Variants in ADCY1 observed in about 807,000 individuals in gnomAD.
ADCY1 encodes adenylate cyclase type 1.
A neutral mutation model predicts 105.4 loss-of-function variants in ADCY1; 28 were observed. The observed-to-expected ratio is 0.27, with a 90% confidence interval of 0.20 to 0.36. The LOEUF (loss-of-function observed/expected upper bound fraction) is 0.36, where lower values mean the gene tolerates loss of function less well. Ranked by LOEUF, ADCY1 falls within the 10% of genes least tolerant of loss-of-function variation. ADCY1 has a pLI of 1.00. For missense variants in ADCY1, 977 were observed against 1,434.2 expected (o/e 0.68, Z 5.15); for synonymous variants, 655 against 623.8 (o/e 1.05, Z -0.75).
chr7:45,703,296 T>C lies in ADCY1; in HGVS notation c.2455-80T>C. 7.4e-7 allele frequency: 1 copy of C among 1,355,366 alleles called. No individual in the cohort carries two copies. The highest frequency in any genetic ancestry group is 1.1e-6 in the Non-Finnish European group (1 of 948,184). 84.0% of individuals were successfully genotyped at this position (1,355,366 alleles called of 1,614,324 possible). A position where few individuals can be genotyped will look rare whatever the true frequency, so the allele number is the denominator to read the frequency against. The stretch of plus-strand genomic sequence containing the variant: ...CAGCACACCTGGAGTCCAGTTTGGA[T>C]GATTAGAAGGAAGTGTGCGGTGGGA... On this transcript the variant is annotated intron_variant, in intron 14 of 19. Coordinates refer to ENST00000297323, the MANE Select transcript of ADCY1 (RefSeq NM_021116.4). This position sits in a 1 kb window ranked among gnomAD's most constrained non-coding sequence, Gnocchi z 5.9.
chr7:45,661,522 A>G (rs894980505), intron 7 of ADCY1, among the ~76,000 whole-genome samples: 15 of 152,024 alleles, frequency 9.9e-5, no homozygotes, highest in Non-Finnish European at 1.9e-4. Flanking sequence ...CTATCACCTC[A>G]TTTGACCTTG....
At chr7:45,635,855 G>C (rs953573438) in intron 4 of ADCY1, among the ~76,000 whole-genome samples, 5 of 151,944 alleles carry the variant, frequency 3.3e-5, no homozygotes, top group Non-Finnish European at 7.4e-5. Flanking sequence ...TCAATTGGTT[G>C]ATAGAATTGT....
In ADCY1 at chr7:45,715,857, A is replaced by C. The variant is rs1401079215; in HGVS notation, c.*1862A>C. On this transcript the variant is annotated 3_prime_UTR_variant, in exon 20 of 20. Transcript: ENST00000297323. ...CTGTCTGCCTGTCCTTAGGGTGTGGATTAGGCTCTGGCTTCTGTGATGGTG... is the reference window on the plus strand; with the variant it reads ...CTGTCTGCCTGTCCTTAGGGTGTGGCTTAGGCTCTGGCTTCTGTGATGGTG... 1 of 152,422 alleles carries C rather than the reference A, an allele frequency of 6.6e-6. No individual in the cohort carries two copies. The highest frequency in any genetic ancestry group is 1.5e-5 in the Non-Finnish European group (1 of 68,278). The allele number at this position is 152,422 out of a possible 1,614,324, so 9.4% of individuals were successfully genotyped here.
At chr7:45,673,371 C>T (rs753917778) in intron 8 of ADCY1, among the ~76,000 whole-genome samples, 1 of 152,066 alleles carries the variant, frequency 6.6e-6, no homozygotes, top group Non-Finnish European at 1.5e-5. Flanking sequence ...ATTCTTTAAA[C>T]ATTTGCTAGA....
intron 14 of ADCY1, among the ~76,000 whole-genome samples, chr7:45,693,244 T>G (rs60781338): frequency 0.17 from 25,052 of 150,872 alleles, 2,099 homozygotes; most frequent in Middle Eastern, 0.2. Flanking sequence ...GCCAGTATTT[T>G]ATTGAGGATT....
At position 45,684,880 on chromosome 7, in the gene ADCY1, G is replaced by A. The variant is rs1235717071; in HGVS notation, c.1984-99G>A. On this transcript the variant is annotated intron_variant, in intron 11 of 19. Transcript: ENST00000297323. Reference sequence around the variant, plus strand: ...AAAACGGATGTGGACCTAGCAGCTTGCAGGTCATCTGCACATTCCACTATA... The same window carrying A: ...AAAACGGATGTGGACCTAGCAGCTTACAGGTCATCTGCACATTCCACTATA... 9 of 1,040,464 alleles carry A rather than the reference G, an allele frequency of 8.6e-6. 1 individual carries two copies. The African/African-American group carries it at 1.1e-4, about 13-fold the overall frequency. 64.5% of individuals were successfully genotyped at this position (1,040,464 alleles called of 1,614,324 possible). A position where few individuals can be genotyped will look rare whatever the true frequency, so the allele number is the denominator to read the frequency against.
At chr7:45,704,496 C>G in intron 16 of ADCY1, 22 bp from the exon 17 acceptor site, 1 of 1,602,466 alleles carries the variant, frequency 6.2e-7, no homozygotes, top group Middle Eastern at 1.7e-4. Context: ...TCATGTTTAA[C>G]AGTTTTATGT....
intron 4 of ADCY1, among the ~76,000 whole-genome samples, chr7:45,646,768 C>A (rs1301473452): frequency 6.6e-6 from 1 of 152,152 alleles, no homozygotes; most frequent in Non-Finnish European, 1.5e-5. Flanking sequence ...ATGAGGAGGC[C>A]AGGGTTCTAA....
At chr7:45,631,738 A>G (rs1458198630) in intron 4 of ADCY1, among the ~76,000 whole-genome samples, 1 of 152,210 alleles carries the variant, frequency 6.6e-6, no homozygotes, top group Admixed American at 6.5e-5. Flanking sequence ...TCCTAAGGAA[A>G]ACTCACATGA....
chr7:45,659,195 C>T (rs1795023544), intron 6 of ADCY1, among the ~76,000 whole-genome samples: 1 of 152,234 alleles, frequency 6.6e-6, no homozygotes, highest in South Asian at 2.1e-4. Context: ...TCCTCACCCT[C>T]TCAGGATCCC....
intron 3 of ADCY1, among the ~76,000 whole-genome samples, chr7:45,614,567 T>C (rs1209436553): frequency 6.6e-6 from 1 of 151,844 alleles, no homozygotes; most frequent in African/African-American, 2.4e-5. Context: ...TGTAGATGGA[T>C]TAAACTCCCC....
At chr7:45,579,714 T>C (rs1792467296) in intron 1 of ADCY1, among the ~76,000 whole-genome samples, 1 of 152,146 alleles carries the variant, frequency 6.6e-6, no homozygotes, top group African/African-American at 2.4e-5. Flanking sequence ...TGCCTCCTGC[T>C]GTGTGGTGGC....
At chr7:45,675,334 C>G (rs1784436212) in intron 8 of ADCY1, among the ~76,000 whole-genome samples, 1 of 152,094 alleles carries the variant, frequency 6.6e-6, no homozygotes, top group South Asian at 2.1e-4. Flanking sequence ...CCATTTATAA[C>G]ATAAATGTCA....
chr7:45,576,777 A>G (rs976253924), intron 1 of ADCY1, among the ~76,000 whole-genome samples: 3 of 151,912 alleles, frequency 2.0e-5, no homozygotes, highest in Admixed American at 6.5e-5. Flanking sequence ...GGCCTCCCCA[A>G]TCTGACCAGA....
At chr7:45,589,833 T>C (rs1419243883) in intron 1 of ADCY1, among the ~76,000 whole-genome samples, 2 of 148,894 alleles carry the variant, frequency 1.3e-5, no homozygotes, top group African/African-American at 5.0e-5. Context: ...CCTAGAGGAG[T>C]GGGTTGTTTG....
chr7:45,686,205 A>T lies in ADCY1; in HGVS notation c.2317A>T (p.Thr773Ser). 1 of 1,613,730 alleles carries T rather than the reference A, an allele frequency of 6.2e-7. No homozygotes were observed. The highest frequency in any genetic ancestry group is 8.5e-7 in the Non-Finnish European group (1 of 1,179,796). Residue 773 changes from threonine (T) to serine (S), a missense_variant, in exon 13 of 20, where the codon ACC becomes TCC. Thr to Ser is a moderately conservative substitution (Grantham distance 58). Transcript: ENST00000297323. The surrounding 1 kb of genome is among the most constrained non-coding windows in gnomAD (Gnocchi z 4.3). ...YILVLELSGY[T>S]RTGGGAVSGR... ...CCTCGTTCTGGAGCTCAGCGGATAC[A>T]CCAGGACTGGGTAAGTGTGTGGCTC...
chr7:45,664,864 C>G (rs1461074018), intron 8 of ADCY1, among the ~76,000 whole-genome samples: 1 of 152,132 alleles, frequency 6.6e-6, no homozygotes, highest in Non-Finnish European at 1.5e-5. Context: ...CTGTACCCAT[C>G]AACCCGTCAT....
intron 11 of ADCY1, chr7:45,680,785 AAAGC>A (rs1282937324): frequency 3.9e-5 from 6 of 152,248 alleles, no homozygotes; most frequent in African/African-American, 1.4e-4. Flanking sequence ...GATAGTTTTT[AAAGC>A]CTATTCCTTA....
At chr7:45,624,947 C>T (rs756915630) in intron 4 of ADCY1, among the ~76,000 whole-genome samples, 1 of 152,222 alleles carries the variant, frequency 6.6e-6, no homozygotes, top group Admixed American at 6.5e-5. Flanking sequence ...ACAGGACCCA[C>T]GTTGGGTCAG....
Sources: gnomAD v4.1 joint callset for allele counts (sites outside exome capture counted in the v4.1 genomes callset) on GRCh38, gnomAD v4.1.1 for gene constraint, Gnocchi (gnomAD v3.1) non-coding constraint, MANE v1.5 for transcripts, NCBI Gene and HGNC (gene_info 2026-07-23, HGNC 2026-07-21) for gene names.